Variants in GALNTL6 observed in about 807,000 individuals in gnomAD.
The protein encoded by GALNTL6 is polypeptide N-acetylgalactosaminyltransferase-like 6.
GALNTL6 carries 46 observed loss-of-function variants against 73.7 expected under a neutral mutation model. That is an observed-to-expected ratio of 0.62 (90% CI 0.49 to 0.80). The LOEUF (loss-of-function observed/expected upper bound fraction) is 0.80. Ranked by LOEUF, GALNTL6 falls within the 30% of genes least tolerant of loss-of-function variation. The probability of loss-of-function intolerance (pLI) is 0.00; values close to 1 mark genes in which losing one functional copy is unlikely to be tolerated. For missense variants in GALNTL6, 604 were observed against 755.0 expected, an observed-to-expected ratio of 0.80 and a Z score of 2.34; for synonymous variants, 259 against 263.7, an observed-to-expected ratio of 0.98 and a Z score of 0.17.
intron 2 of GALNTL6, among the ~76,000 whole-genome samples, chr4:172,058,383 C>T (rs1014707158): frequency 6.6e-6 from 1 of 152,090 alleles, no homozygotes; most frequent in Non-Finnish European, 1.5e-5. Context: ...AATAAGATCT[C>T]GAAAAATACG....
At chr4:172,693,446 C>T (rs1249219046) in intron 5 of GALNTL6, among the ~76,000 whole-genome samples, 2 of 152,214 alleles carry the variant, frequency 1.3e-5, no homozygotes, top group African/African-American at 2.4e-5. Context: ...TACCAACAAT[C>T]TCTTCTTAAC....
At chr4:172,876,482 A>G (rs1745200092) in intron 7 of GALNTL6, among the ~76,000 whole-genome samples, 1 of 152,162 alleles carries the variant, frequency 6.6e-6, no homozygotes, top group African/African-American at 2.4e-5. Flanking sequence ...TTCCACTTTC[A>G]TTTTGAGAAG....
intron 2 of GALNTL6, among the ~76,000 whole-genome samples, chr4:172,049,189 G>T (rs1030824417): frequency 6.6e-6 from 1 of 151,858 alleles, no homozygotes; most frequent in African/African-American, 2.4e-5. Context: ...TTCTTTGTGG[G>T]TCTAGTTTGA....
chr4:172,911,945 C>T (rs1193063077), intron 8 of GALNTL6, among the ~76,000 whole-genome samples: 1 of 152,298 alleles, frequency 6.6e-6, no homozygotes, highest in Non-Finnish European at 1.5e-5. Flanking sequence ...GTCAATTTGA[C>T]TTCCTATAGA....
chr4:172,526,727 TC>T (rs1467958304), intron 5 of GALNTL6, among the ~76,000 whole-genome samples: 1 of 152,130 alleles, frequency 6.6e-6, no homozygotes, highest in African/African-American at 2.4e-5. Context: ...GAATCGTACT[TC>T]TTAGATCCTT....
chr4:173,022,473 C>T (rs541600880), intron 12 of GALNTL6, among the ~76,000 whole-genome samples: 4 of 152,346 alleles, frequency 2.6e-5, no homozygotes, highest in Admixed American at 6.5e-5. Context: ...AGCAAAACCA[C>T]GCATACATAA....
intron 8 of GALNTL6, among the ~76,000 whole-genome samples, chr4:172,907,383 ATAGAC>A (rs1746957706): frequency 1.3e-5 from 2 of 152,218 alleles, no homozygotes; most frequent in Admixed American, 1.3e-4. Flanking sequence ...ATATTACACA[ATAGAC>A]TAGCTATTTA....
intron 2 of GALNTL6, among the ~76,000 whole-genome samples, chr4:172,130,845 G>A (rs1169299989): frequency 1.3e-5 from 2 of 151,964 alleles, no homozygotes; most frequent in African/African-American, 4.8e-5. Flanking sequence ...AAAATGGAGG[G>A]AATTGAACTC....
At chr4:171,887,947 T>A (rs1736650332) in intron 2 of GALNTL6, among the ~76,000 whole-genome samples, 1 of 152,226 alleles carries the variant, frequency 6.6e-6, no homozygotes, top group African/African-American at 2.4e-5. Flanking sequence ...GATTGGTGTA[T>A]GACATGTATT....
chr4:172,253,266 A>T (rs1737945720), intron 3 of GALNTL6, among the ~76,000 whole-genome samples: 1 of 151,982 alleles, frequency 6.6e-6, no homozygotes, highest in African/African-American at 2.4e-5. Context: ...GTTCAGAGAA[A>T]GCATTCCAGT....
At chr4:172,792,455 A>C (rs932685443) in intron 5 of GALNTL6, among the ~76,000 whole-genome samples, 1 of 152,140 alleles carries the variant, frequency 6.6e-6, no homozygotes, top group African/African-American at 2.4e-5. Context: ...AAGTGAGGAA[A>C]AATGAAGTCC....
intron 5 of GALNTL6, among the ~76,000 whole-genome samples, chr4:172,383,860 A>G (rs1359960780): frequency 6.6e-6 from 1 of 152,094 alleles, no homozygotes; most frequent in African/African-American, 2.4e-5. Context: ...TTCTACTTCT[A>G]TGAAAATGCT....
At chr4:172,069,320 A>T (rs1318753700) in intron 2 of GALNTL6, among the ~76,000 whole-genome samples, 1 of 105,694 alleles carries the variant, frequency 9.5e-6, no homozygotes, top group African/African-American at 3.6e-5. Context: ...CATTCAGCAT[A>T]AAAGAGATTC....
chr4:172,718,272 T>A (rs1735231459), intron 5 of GALNTL6, among the ~76,000 whole-genome samples: 1 of 152,180 alleles, frequency 6.6e-6, no homozygotes, highest in Non-Finnish European at 1.5e-5. Context: ...CTGATTTATA[T>A]CATGTCATAT....
intron 2 of GALNTL6, among the ~76,000 whole-genome samples, chr4:171,990,929 G>A (rs555908737): frequency 3.0e-4 from 45 of 152,104 alleles, no homozygotes; most frequent in Non-Finnish European, 5.4e-4. Context: ...CTTGGCCTAT[G>A]CAATACAAGA....
At chr4:171,906,410 C>G (rs1437234446) in intron 2 of GALNTL6, among the ~76,000 whole-genome samples, 1 of 151,720 alleles carries the variant, frequency 6.6e-6, no homozygotes, top group Non-Finnish European at 1.5e-5. Context: ...TGGATAAATT[C>G]CTCGACACAT....
At chr4:172,689,212 A>G (rs991152920) in intron 5 of GALNTL6, among the ~76,000 whole-genome samples, 13 of 152,200 alleles carry the variant, frequency 8.5e-5, no homozygotes, top group African/African-American at 3.1e-4. Flanking sequence ...TGGACTATTT[A>G]TGTTCATTGG....
chr4:172,943,095 CTTTT>C (rs201726639), intron 9 of GALNTL6, among the ~76,000 whole-genome samples: 7 of 142,328 alleles, frequency 4.9e-5, no homozygotes, highest in Admixed American at 7.1e-5. Context: ...TCCTATTATC[CTTTT>C]TTTTTTTTTT....
chr4:172,681,706 G>T (rs529760028), intron 5 of GALNTL6, among the ~76,000 whole-genome samples: 1 of 152,240 alleles, frequency 6.6e-6, no homozygotes, highest in African/African-American at 2.4e-5. Context: ...ATGAAGTCAT[G>T]GTTGTGAGGA....
Sources: gnomAD v4.1 joint callset for allele counts (sites outside exome capture counted in the v4.1 genomes callset) on GRCh38, gnomAD v4.1.1 for gene constraint, MANE v1.5 for transcripts, NCBI Gene and HGNC (gene_info 2026-07-23, HGNC 2026-07-21) for gene names.